XKR4: variants seen among roughly 807,000 people sequenced by gnomAD.
XKR4 encodes XK-related protein 4.
A neutral mutation model predicts 53.9 loss-of-function variants in XKR4; 12 were observed. That is an observed-to-expected ratio of 0.22 (90% CI 0.14 to 0.36). The LOEUF (loss-of-function observed/expected upper bound fraction) is 0.36, where lower values mean the gene tolerates loss of function less well. Among genes scored for constraint, XKR4 ranks in the 10% least tolerant of loss-of-function variants. XKR4 has a pLI of 1.00. For missense variants in XKR4, 799 were observed against 859.5 expected (o/e 0.93, Z 0.88); for synonymous variants, 354 against 362.4 (o/e 0.98, Z 0.26).
chr8:55,184,678 T>C (rs892436339), intron 1 of XKR4, among the ~76,000 whole-genome samples: 27 of 152,212 alleles, frequency 1.8e-4, no homozygotes, highest in Non-Finnish European at 3.1e-4. Context: ...GTTAAGTACG[T>C]GTTAAATAAG....
At chr8:55,453,161 C>G (rs867530) in intron 2 of XKR4, 218,851 of 508,168 alleles carry the variant, frequency 0.43, 49,244 homozygotes, top group East Asian at 0.51. Context: ...ATGCTCCACA[C>G]CACGTGCTCC....
At chr8:55,289,611 AAG>A (rs1240044174) in intron 1 of XKR4, among the ~76,000 whole-genome samples, 1 of 131,646 alleles carries the variant, frequency 7.6e-6, no homozygotes, top group Admixed American at 7.6e-5. Context: ...GAAAGAAAGA[AAG>A]AAAGAAAGAA....
rs1404031940 is a variant in XKR4 at position 55,534,102 on chromosome 8, C to G, written c.*9875C>G. On this transcript the variant is annotated 3_prime_UTR_variant, in exon 3 of 3. Coordinates refer to ENST00000327381, the MANE Select transcript of XKR4 (RefSeq NM_052898.2). ...GTTGAATAATTGATCTGTCTGAGTA[C>G]AGTTGCTGCTTTTATTTCATTTCTT... is the stretch of plus-strand genomic sequence containing the variant. The G allele has an allele frequency of 6.6e-6, 1 of 152,152 alleles. No homozygotes were observed. The highest frequency in any genetic ancestry group is 6.5e-5 in the Admixed American group (1 of 15,278). The allele number at this position is 152,152 out of a possible 1,614,324, so 9.4% of individuals were successfully genotyped here.
intron 1 of XKR4, among the ~76,000 whole-genome samples, chr8:55,136,348 A>G (rs1816630330): frequency 6.6e-6 from 1 of 152,198 alleles, no homozygotes; most frequent in Admixed American, 6.5e-5. Flanking sequence ...CAACTTGACA[A>G]ATACTTGGGG....
chr8:55,457,721 C>T (rs918659927), intron 2 of XKR4, among the ~76,000 whole-genome samples: 1 of 152,092 alleles, frequency 6.6e-6, no homozygotes, highest in African/African-American at 2.4e-5. Flanking sequence ...TTGAAAGACC[C>T]CCTTTTCCAC....
intron 2 of XKR4, among the ~76,000 whole-genome samples, chr8:55,445,275 T>G (rs1226710771): frequency 6.6e-6 from 1 of 152,098 alleles, no homozygotes; most frequent in Admixed American, 6.6e-5. Context: ...GCCAGGATGG[T>G]CTCGATCTCC....
chr8:55,462,003 G>A (rs1024416122), intron 2 of XKR4, among the ~76,000 whole-genome samples: 1 of 152,236 alleles, frequency 6.6e-6, no homozygotes, highest in Non-Finnish European at 1.5e-5. Flanking sequence ...TCTACTTGGT[G>A]TACCTGAAAG....
intron 1 of XKR4, among the ~76,000 whole-genome samples, chr8:55,188,259 G>A (rs1817404386): frequency 6.6e-6 from 1 of 152,004 alleles, no homozygotes; most frequent in African/African-American, 2.4e-5. Context: ...CATGTTTATT[G>A]TCTTACTCTT....
At chr8:55,130,993 C>G (rs1023415645) in intron 1 of XKR4, among the ~76,000 whole-genome samples, 49 of 152,168 alleles carry the variant, frequency 3.2e-4, no homozygotes, top group Middle Eastern at 3.4e-3. Flanking sequence ...AACCCCATCT[C>G]TACTAAAAAC....
Position 55,540,367 on chromosome 8 carries a change from A to T in XKR4, c.*16140A>T, listed in dbSNP as rs1807084911. The stretch of plus-strand genomic sequence containing the variant: ...GTTTACGTGTGTTAGTATTGCTGAC[A>T]TATTATTATCATCACAAAATTCCTT... On this transcript the variant is annotated 3_prime_UTR_variant, in exon 3 of 3. Transcript: ENST00000327381. 6.6e-6 allele frequency: 1 copy of T among 152,202 alleles called. No homozygotes were observed. The highest frequency in any genetic ancestry group is 1.5e-5 in the Non-Finnish European group (1 of 68,018). 9.4% of individuals were successfully genotyped at this position (152,202 alleles called of 1,614,324 possible).
chr8:55,328,883 A>T (rs936599671), intron 1 of XKR4, among the ~76,000 whole-genome samples: 1 of 151,918 alleles, frequency 6.6e-6, no homozygotes, highest in Admixed American at 6.6e-5. Context: ...TTTACCACCA[A>T]CACCCACCAT....
chr8:55,105,736 C>A (rs1420054740), intron 1 of XKR4, among the ~76,000 whole-genome samples: 1 of 152,078 alleles, frequency 6.6e-6, no homozygotes, highest in Admixed American at 6.5e-5. Context: ...GACTAATCAG[C>A]ATCATTTTCT....
At chr8:55,420,663 A>G (rs1284532546) in intron 2 of XKR4, among the ~76,000 whole-genome samples, 1 of 150,542 alleles carries the variant, frequency 6.6e-6, no homozygotes, top group Non-Finnish European at 1.5e-5. Flanking sequence ...GAGGGACAGC[A>G]TGGGGAGATA....
At chr8:55,205,630 C>T in intron 1 of XKR4, among the ~76,000 whole-genome samples, 1 of 152,150 alleles carries the variant, frequency 6.6e-6, no homozygotes, top group East Asian at 1.9e-4. Context: ...AATTTCCATT[C>T]TTTTGCAGTA....
chr8:55,242,789 C>T (rs554510445), intron 1 of XKR4, among the ~76,000 whole-genome samples: 2 of 152,104 alleles, frequency 1.3e-5, no homozygotes, highest in South Asian at 2.1e-4. Context: ...ATCTAGTCTG[C>T]GGGCATTACC....
chr8:55,410,103 G>T (rs1030986964), intron 2 of XKR4, among the ~76,000 whole-genome samples: 2 of 148,628 alleles, frequency 1.3e-5, no homozygotes, highest in African/African-American at 5.0e-5. Context: ...AAAAAAAAAA[G>T]CCTTTTGAAA....
intron 1 of XKR4, among the ~76,000 whole-genome samples, chr8:55,355,241 T>C (rs1803781370): frequency 1.3e-5 from 2 of 150,046 alleles, no homozygotes; most frequent in Admixed American, 1.3e-4. Flanking sequence ...AGGACAGACA[T>C]GAAAACTCAA....
chr8:55,469,583 T>G (rs761210149), intron 2 of XKR4, among the ~76,000 whole-genome samples: 5 of 152,082 alleles, frequency 3.3e-5, no homozygotes, highest in Non-Finnish European at 5.9e-5. Context: ...AGAAACAATA[T>G]TTTCATTGGT....
chr8:55,450,121 C>T lies in XKR4; in HGVS notation c.1007-73160C>T, dbSNP rs140565733. On this transcript the variant is annotated intron_variant, in intron 2 of 2. Transcript: ENST00000327381. Reference sequence around the variant, plus strand: ...GGTGTCCTTCCAGCGCTTAGCGGGTCGGCTCAGCTCTGTCTCCAACCTCTG... The same window carrying T: ...GGTGTCCTTCCAGCGCTTAGCGGGTTGGCTCAGCTCTGTCTCCAACCTCTG... 2.1e-4 allele frequency: 148 copies of T among 695,436 alleles called. 1 individual carries two copies. The highest frequency in any genetic ancestry group is 2.1e-3 in the African/African-American group (118 of 56,966). The allele number at this position is 695,436 out of a possible 1,614,324, so 43.1% of individuals were successfully genotyped here. A position where few individuals can be genotyped will look rare whatever the true frequency, so the allele number is the denominator to read the frequency against.
Sources: gnomAD v4.1 joint callset for allele counts (sites outside exome capture counted in the v4.1 genomes callset) on GRCh38, gnomAD v4.1.1 for gene constraint, MANE v1.5 for transcripts, NCBI Gene and HGNC (gene_info 2026-07-23, HGNC 2026-07-21) for gene names.